Variants in PLEKHA4 observed in about 807,000 individuals in gnomAD.
The protein encoded by PLEKHA4 is pleckstrin homology domain-containing family A member 4.
PLEKHA4 carries 73 observed loss-of-function variants against 94.7 expected under a neutral mutation model. The ratio of observed to expected loss-of-function variants is 0.77; its 90% CI spans 0.64 to 0.94. The LOEUF (loss-of-function observed/expected upper bound fraction) is 0.94. PLEKHA4 is among the 40% of genes least tolerant of loss of function. The probability of loss-of-function intolerance (pLI) is 0.00; values close to 1 mark genes in which losing one functional copy is unlikely to be tolerated. For synonymous variants in PLEKHA4, 449 were observed against 437.1 expected (o/e 1.03, Z -0.34); for missense variants, 1,049 against 1,054.1 (o/e 1.00, Z 0.07).
chr19:48,859,612 C>G lies in PLEKHA4; in HGVS notation c.549G>C (p.Val183=). 1 of 1,613,516 alleles carries G rather than the reference C, an allele frequency of 6.2e-7. No individual in the cohort carries two copies. Among genetic ancestry groups the G allele is most frequent in the Non-Finnish European group, 8.5e-7 (1 of 1,180,004 alleles). Reference sequence around the variant, plus strand: ...AGATGCGCCCCTCTTCCCCTCTGCTCACCTCCGGGGGACCACCGGGGCCGC... The same window carrying G: ...AGATGCGCCCCTCTTCCCCTCTGCTGACCTCCGGGGGACCACCGGGGCCGC... The part of the protein sequence containing the change: ...GPGGPGGPPE[V]SRGEEGRISE... The change falls in exon 7 of 20, where the codon GTG becomes GTC. Residue 183 remains valine, a synonymous_variant. Transcript: ENST00000263265.
chr19:48,861,317 A>T, intron 5 of PLEKHA4, 84 bp downstream of exon 5: 1 of 1,127,046 alleles, frequency 8.9e-7, no homozygotes, highest in Non-Finnish European at 1.4e-6. Context: ...GCTTGTTAGG[A>T]CTTGGAGTTT....
In PLEKHA4 at chr19:48,857,444, G is replaced by A. The variant is rs779930767; in HGVS notation, c.1025C>T (p.Thr342Ile). The A allele has an allele frequency of 6.4e-7, 1 of 1,558,052 alleles. No individual in the cohort carries two copies. The highest frequency in any genetic ancestry group is 8.6e-7 in the Non-Finnish European group (1 of 1,157,036). The change falls in exon 9 of 20, where the codon ACC (threonine) becomes ATC (isoleucine). Residue 342 changes from threonine (T) to isoleucine (I), a missense_variant. Thr to Ile is a moderately conservative substitution (Grantham distance 89). Transcript: ENST00000263265. The stretch of plus-strand genomic sequence containing the variant: ...TACCAATAAAACCATGGAGGCCCGG[G>A]TCCCAGGGGGCCGCGGGGGGAGCTG... Reference protein sequence around the residue: ...YLQLPPRPPGTRASMVLLPGP... With the variant: ...YLQLPPRPPGIRASMVLLPGP...
intron 9 of PLEKHA4, among the ~76,000 whole-genome samples, chr19:48,855,890 T>C (rs139246494): frequency 0.12 from 17,421 of 151,312 alleles, 1,218 homozygotes; most frequent in Non-Finnish European, 0.16. Context: ...GTTAGCTAGG[T>C]GGCCAGGCGC....
At chr19:48,863,900 T>A (rs2036739997) in intron 3 of PLEKHA4, among the ~76,000 whole-genome samples, 1 of 152,118 alleles carries the variant, frequency 6.6e-6, no homozygotes, top group South Asian at 2.1e-4. Flanking sequence ...GAGTTTTGAG[T>A]TTGAAGGTGC....
chr19:48,847,899 C>T lies in PLEKHA4; in HGVS notation c.1566+1G>A, dbSNP rs748624804. On this transcript the variant is annotated splice_donor_variant, in intron 14 of 19. Coordinates refer to ENST00000263265, the MANE Select transcript of PLEKHA4 (RefSeq NM_020904.3). LOFTEE classifies it high-confidence loss of function. ...GTGGGGAGGAATTATGTGCGTCTTA[C>T]CTCCCTCTCTGAGGACTCCTCGCCC... is the stretch of plus-strand genomic sequence containing the variant. 13 of 1,558,378 alleles carry T rather than the reference C, an allele frequency of 8.3e-6. No individual in the cohort carries two copies. The highest frequency in any genetic ancestry group is 1.0e-5 in the Non-Finnish European group (12 of 1,152,990).
In PLEKHA4 at chr19:48,852,342, G is replaced by T; in HGVS notation, c.1327-16C>A. The T allele has an allele frequency of 1.2e-6, 2 of 1,600,910 alleles. No individual in the cohort carries two copies. The highest frequency in any genetic ancestry group is 1.7e-6 in the Non-Finnish European group (2 of 1,168,090). ...TCTCTCGCTCCTCAGGTTGCATAAA[G>T]GGGGAGACATAGGTTAGGTCCCTCT... On this transcript the variant is annotated splice_polypyrimidine_tract_variant and intron_variant, in intron 12 of 19. Transcript: ENST00000263265.
chr19:48,867,483 G>A lies in PLEKHA4; in HGVS notation c.84+54C>T. 3 of 1,538,944 alleles carry A rather than the reference G, an allele frequency of 1.9e-6. No homozygotes were observed. The highest frequency in any genetic ancestry group is 2.6e-6 in the Non-Finnish European group (3 of 1,136,364). On this transcript the variant is annotated intron_variant, in intron 2 of 19. Coordinates refer to ENST00000263265, the MANE Select transcript of PLEKHA4 (RefSeq NM_020904.3). The surrounding 1 kb of genome is among the most constrained non-coding windows in gnomAD (Gnocchi z 4.7). ...ACCAGAGTCCTTGGGGAAACAGAAGGATGGGCGGCCCAGAGCCCCACCTTC... is the reference window on the plus strand; with the variant it reads ...ACCAGAGTCCTTGGGGAAACAGAAGAATGGGCGGCCCAGAGCCCCACCTTC...
chr19:48,846,740 C>T (rs1401595251), intron 14 of PLEKHA4, among the ~76,000 whole-genome samples: 5 of 152,130 alleles, frequency 3.3e-5, no homozygotes, highest in African/African-American at 9.7e-5. Context: ...TGCACTCCAG[C>T]CTGGGTGACA....
chr19:48,847,830 G>GGGGAATA, intron 14 of PLEKHA4, 70 bp downstream of exon 14: 1 of 1,465,946 alleles, frequency 6.8e-7, no homozygotes. Context: ...AGAGGTGGGT[G>GGGGAATA]GGGAATAGAC....
At chr19:48,838,976 G>A (rs1470688299) in intron 18 of PLEKHA4, among the ~76,000 whole-genome samples, 1 of 151,894 alleles carries the variant, frequency 6.6e-6, no homozygotes, top group Non-Finnish European at 1.5e-5. Flanking sequence ...CAATTTCCTT[G>A]ATGCAGAAGT....
chr19:48,850,398 G>T (rs968124001), intron 13 of PLEKHA4, among the ~76,000 whole-genome samples: 2 of 151,680 alleles, frequency 1.3e-5, no homozygotes, highest in Non-Finnish European at 2.9e-5. Flanking sequence ...CAGCTACTGG[G>T]GAAGCTGCGG....
intron 5 of PLEKHA4, among the ~76,000 whole-genome samples, chr19:48,860,851 G>A (rs747217472): frequency 4.8e-4 from 67 of 139,290 alleles, no homozygotes; most frequent in Non-Finnish European, 7.5e-4. Flanking sequence ...GAGAGAGAGA[G>A]AAAAAAAAAG....
intron 3 of PLEKHA4, among the ~76,000 whole-genome samples, chr19:48,863,659 C>T (rs1030802116): frequency 1.3e-5 from 2 of 151,276 alleles, no homozygotes; most frequent in African/African-American, 2.4e-5. Context: ...AGGATGGTCT[C>T]GATCTCCTGA....
chr19:48,841,199 G>C lies in PLEKHA4; in HGVS notation c.1855C>G (p.Leu619Val), dbSNP rs1441622767. Residue 619 changes from leucine (L) to valine (V), a missense_variant, in exon 17 of 20, where the codon CTG becomes GTG. Physicochemically the swap from Leu to Val is conservative, Grantham distance 32. Transcript: ENST00000263265. ...CTGGCTGGGGACAGTGTCCTTCCCA[G>C]GGTGAGAAGCCGGGGGGAGGTCGGG... ...PRPTSPRLLTLGRTLSPARRQ... is the reference protein window; with the variant it reads ...PRPTSPRLLTVGRTLSPARRQ... The C allele has an allele frequency of 1.2e-6, 2 of 1,612,946 alleles. No homozygotes were observed. The highest frequency in any genetic ancestry group is 1.7e-6 in the Non-Finnish European group (2 of 1,179,604).
In PLEKHA4 at chr19:48,853,977, G is replaced by C. The variant is rs777924814; in HGVS notation, c.1176+30C>G. 8.7e-6 allele frequency: 14 copies of C among 1,613,206 alleles called. No homozygotes were observed. The Admixed American group carries it at 2.2e-4, about 25-fold the overall frequency. ...GGCTCAGGGCAGGCAGAGAGGCCAG[G>C]CGCCCTGTCCTTGGCCCAGGGCCCC... is the stretch of plus-strand genomic sequence containing the variant. On this transcript the variant is annotated intron_variant, in intron 11 of 19. Coordinates refer to ENST00000263265, the MANE Select transcript of PLEKHA4 (RefSeq NM_020904.3).
At chr19:48,856,471 G>A (rs2036413851) in intron 9 of PLEKHA4, among the ~76,000 whole-genome samples, 1 of 151,824 alleles carries the variant, frequency 6.6e-6, no homozygotes, top group Non-Finnish European at 1.5e-5. Flanking sequence ...TGTAATCCCA[G>A]CACTTTGGGA....
chr19:48,846,908 G>C (rs936169988), intron 14 of PLEKHA4, among the ~76,000 whole-genome samples: 1 of 152,104 alleles, frequency 6.6e-6, no homozygotes, highest in Non-Finnish European at 1.5e-5. Flanking sequence ...ACACAGTCTC[G>C]CTCTTTCAGC....
In PLEKHA4 at chr19:48,837,442, C is replaced by A; in HGVS notation, c.2187G>T (p.Ser729=). 6.2e-7 allele frequency: 1 copy of A among 1,613,272 alleles called. No individual in the cohort carries two copies. Among genetic ancestry groups the A allele is most frequent in the Non-Finnish European group, 8.5e-7 (1 of 1,179,658 alleles). The change falls in exon 20 of 20, where the codon TCG becomes TCT. Residue 729 remains serine (S), a synonymous_variant. Transcript: ENST00000263265. The surrounding 1 kb of genome is among the most constrained non-coding windows in gnomAD (Gnocchi z 4.3). ...CTCGGCGAGAGAACCCCGTGGAACC[C>A]GAATTAGCCACCGGGGGAGATCTGG... The part of the protein sequence containing the change: ...PPPRSPPVAN[S]GSTGFSRRGS...
chr19:48,846,312 G>C (rs1029323809), intron 14 of PLEKHA4, among the ~76,000 whole-genome samples: 1 of 151,614 alleles, frequency 6.6e-6, no homozygotes, highest in South Asian at 2.1e-4. Context: ...TTAGCCGGGC[G>C]TGGTGGCAGG....
Sources: gnomAD v4.1 joint callset for allele counts (sites outside exome capture counted in the v4.1 genomes callset) on GRCh38, gnomAD v4.1.1 for gene constraint, Gnocchi (gnomAD v3.1) non-coding constraint, MANE v1.5 for transcripts, NCBI Gene and HGNC (gene_info 2026-07-23, HGNC 2026-07-21) for gene names.